ASIC2: variants seen among roughly 807,000 people sequenced by gnomAD.
ASIC2 encodes acid sensing ion channel subunit 2.
Under a neutral mutation model 57.3 loss-of-function variants are expected in ASIC2, and 25 were observed. The observed-to-expected ratio is 0.44, with a 90% CI of 0.32 to 0.61. The LOEUF is 0.61. ASIC2 is among the 20% of genes least tolerant of loss of function. The probability of loss-of-function intolerance (pLI) is 0.06; values close to 1 mark genes in which losing one functional copy is unlikely to be tolerated. For synonymous variants in ASIC2, 319 were observed against 307.5 expected, an observed-to-expected ratio of 1.04 and a Z score of -0.39; for missense variants, 641 against 738.1, an observed-to-expected ratio of 0.87 and a Z score of 1.52.
intron 3 of ASIC2, among the ~76,000 whole-genome samples, chr17:33,066,666 C>G (rs1372228181): frequency 2.0e-5 from 3 of 152,182 alleles, no homozygotes; most frequent in Non-Finnish European, 4.4e-5. Context: ...ACCAAGGCCA[C>G]ACAACCATGT....
intron 1 of ASIC2, chr17:34,070,904 C>T (rs1909375023): frequency 6.6e-6 from 1 of 152,350 alleles, no homozygotes; most frequent in African/African-American, 2.4e-5. Context: ...TCTGCCCTCC[C>T]ACTCTTACAA....
intron 1 of ASIC2, among the ~76,000 whole-genome samples, chr17:33,601,542 A>C (rs1187539774): frequency 6.6e-6 from 1 of 152,220 alleles, no homozygotes; most frequent in East Asian, 1.9e-4. Flanking sequence ...CAGAAAGCAA[A>C]GCTGTGGAGG....
intron 1 of ASIC2, among the ~76,000 whole-genome samples, chr17:33,759,666 C>A (rs1910719932): frequency 6.6e-6 from 1 of 152,122 alleles, no homozygotes; most frequent in African/African-American, 2.4e-5. Flanking sequence ...CTCATGATGG[C>A]CTTGCTGCTC....
At chr17:33,038,364 T>C (rs1408173645) in intron 3 of ASIC2, among the ~76,000 whole-genome samples, 1 of 152,198 alleles carries the variant, frequency 6.6e-6, no homozygotes, top group Non-Finnish European at 1.5e-5. Context: ...GTTGAGTTTC[T>C]TGTGATAATG....
chr17:33,794,984 T>C (rs1266239869), intron 1 of ASIC2, among the ~76,000 whole-genome samples: 1 of 152,212 alleles, frequency 6.6e-6, no homozygotes, highest in Non-Finnish European at 1.5e-5. Flanking sequence ...CCACATTATC[T>C]GAATGACCTA....
chr17:34,006,787 G>T (rs1392477319), intron 1 of ASIC2: 2 of 152,138 alleles, frequency 1.3e-5, no homozygotes, highest in Non-Finnish European at 2.9e-5. Flanking sequence ...ACACTCCTGG[G>T]CATAGGAACT....
chr17:33,088,224 A>C (rs1309219989), intron 3 of ASIC2, among the ~76,000 whole-genome samples: 1 of 152,212 alleles, frequency 6.6e-6, no homozygotes, highest in Non-Finnish European at 1.5e-5. Context: ...GTCTCTCCGC[A>C]GTCCTGCTTT....
chr17:33,685,836 C>T (rs1378861312), intron 1 of ASIC2, among the ~76,000 whole-genome samples: 1 of 152,202 alleles, frequency 6.6e-6, no homozygotes, highest in African/African-American at 2.4e-5. Flanking sequence ...TCGGCAGCGT[C>T]TGATATGGTG....
At chr17:33,690,360 G>A (rs1358180232) in intron 1 of ASIC2, among the ~76,000 whole-genome samples, 1 of 152,196 alleles carries the variant, frequency 6.6e-6, no homozygotes, top group East Asian at 1.9e-4. Context: ...TTTTTTCACT[G>A]ACATTTCTCA....
intron 1 of ASIC2, among the ~76,000 whole-genome samples, chr17:33,392,663 T>C (rs2141953696): frequency 6.6e-6 from 1 of 152,258 alleles, no homozygotes; most frequent in African/African-American, 2.4e-5. Context: ...CGGTGTCACA[T>C]GGTCAAGTCA....
intron 1 of ASIC2, among the ~76,000 whole-genome samples, chr17:33,923,538 G>A (rs888444373): frequency 6.6e-6 from 1 of 152,206 alleles, no homozygotes; most frequent in African/African-American, 2.4e-5. Flanking sequence ...ATGCACAGCA[G>A]TTCTGCAAAA....
chr17:33,864,509 C>T (rs547183463), intron 1 of ASIC2, among the ~76,000 whole-genome samples: 1 of 152,266 alleles, frequency 6.6e-6, no homozygotes, highest in South Asian at 2.1e-4. Flanking sequence ...CCACACATGG[C>T]CCTTTAAGAA....
chr17:33,540,723 T>C (rs777244607), intron 1 of ASIC2, among the ~76,000 whole-genome samples: 13 of 152,120 alleles, frequency 8.5e-5, no homozygotes, highest in Non-Finnish European at 4.4e-5. Context: ...TCACTGAGCA[T>C]AGGGACCAGG....
intron 1 of ASIC2, among the ~76,000 whole-genome samples, chr17:33,331,793 T>C (rs1248107358): frequency 1.3e-5 from 2 of 152,194 alleles, no homozygotes; most frequent in Non-Finnish European, 2.9e-5. Context: ...TATTCTACGA[T>C]GAGAAAATGA....
chr17:33,372,913 A>C (rs1909132810), intron 1 of ASIC2, among the ~76,000 whole-genome samples: 1 of 152,180 alleles, frequency 6.6e-6, no homozygotes, highest in Admixed American at 6.5e-5. Flanking sequence ...GTTGCCTGTT[A>C]CAGGAGAGTT....
At chr17:33,340,287 A>T (rs1406938747) in intron 1 of ASIC2, among the ~76,000 whole-genome samples, 1 of 152,134 alleles carries the variant, frequency 6.6e-6, no homozygotes, top group Non-Finnish European at 1.5e-5. Flanking sequence ...TCTGAGGGTG[A>T]TGGGGAGTGG....
chr17:33,170,227 G>A (rs2142047889), intron 1 of ASIC2, among the ~76,000 whole-genome samples: 1 of 152,204 alleles, frequency 6.6e-6, no homozygotes. Context: ...CATGTTGCAG[G>A]GAGATTCATG....
intron 1 of ASIC2, among the ~76,000 whole-genome samples, chr17:33,443,569 A>G (rs1911906376): frequency 1.2e-5 from 1 of 84,934 alleles, no homozygotes; most frequent in Non-Finnish European, 2.8e-5. Context: ...GCCCGCCACT[A>G]CGCCCGGCTA....
chr17:33,676,350 A>G (rs1319148277), intron 1 of ASIC2, among the ~76,000 whole-genome samples: 1 of 152,246 alleles, frequency 6.6e-6, no homozygotes, highest in Non-Finnish European at 1.5e-5. Context: ...TGAGAAAGGC[A>G]TGTAGAAAGC....
Sources: gnomAD v4.1 joint callset for allele counts (sites outside exome capture counted in the v4.1 genomes callset) on GRCh38, gnomAD v4.1.1 for gene constraint, MANE v1.5 for transcripts, NCBI Gene and HGNC (gene_info 2026-07-23, HGNC 2026-07-21) for gene names.